The following TRPM3 variants were observed in gnomAD, a reference collection of about 807,000 sequenced individuals.
TRPM3 encodes transient receptor potential cation channel subfamily M member 3.
TRPM3 carries 77 observed loss-of-function variants against 181.2 expected under a neutral mutation model. That is an observed-to-expected ratio of 0.42 (90% confidence interval 0.35 to 0.51). TRPM3 has a LOEUF of 0.51. Among genes scored for constraint, TRPM3 ranks in the 20% least tolerant of loss-of-function variants. The probability of loss-of-function intolerance (pLI) is 0.01; values close to 1 mark genes in which losing one functional copy is unlikely to be tolerated. For missense variants in TRPM3, 1,759 were observed against 2,196.7 expected, an observed-to-expected ratio of 0.80 and a Z score of 3.98; for synonymous variants, 745 against 796.4, an observed-to-expected ratio of 0.94 and a Z score of 1.09.
At chr9:71,032,596 C>T (rs77465759) in intron 1 of TRPM3, among the ~76,000 whole-genome samples, 1 of 152,130 alleles carries the variant, frequency 6.6e-6, no homozygotes, top group African/African-American at 2.4e-5. Context: ...ATTGAGTTTG[C>T]ATTATAAAAT....
At chr9:70,815,183 G>T (rs973484919) in intron 6 of TRPM3, among the ~76,000 whole-genome samples, 1 of 152,100 alleles carries the variant, frequency 6.6e-6, no homozygotes, top group African/African-American at 2.4e-5. Context: ...CTTGAGAAAA[G>T]AACAAACATA....
At chr9:70,797,755 C>T (rs1363014966) in intron 6 of TRPM3, among the ~76,000 whole-genome samples, 1 of 152,192 alleles carries the variant, frequency 6.6e-6, no homozygotes, top group Admixed American at 6.5e-5. Context: ...ACGGTTTGCT[C>T]AGCTCTGCCT....
chr9:71,094,970 C>T (rs192062413), intron 1 of TRPM3, among the ~76,000 whole-genome samples: 39 of 152,250 alleles, frequency 2.6e-4, no homozygotes, highest in East Asian at 1.9e-4. Flanking sequence ...TTTGAAAGCA[C>T]GCATAGCTCT....
At chr9:71,076,721 A>G (rs954409670) in intron 1 of TRPM3, among the ~76,000 whole-genome samples, 2 of 152,146 alleles carry the variant, frequency 1.3e-5, no homozygotes, top group African/African-American at 4.8e-5. Flanking sequence ...GGTTCTCAAT[A>G]TCACAGCTCT....
chr9:71,359,427 T>C (rs1242593225), intron 1 of TRPM3, among the ~76,000 whole-genome samples: 1 of 152,214 alleles, frequency 6.6e-6, no homozygotes, highest in Non-Finnish European at 1.5e-5. Context: ...AAAATGTGCC[T>C]ATGTAAATGC....
intron 1 of TRPM3, among the ~76,000 whole-genome samples, chr9:70,956,548 C>T: frequency 6.6e-6 from 1 of 151,994 alleles, no homozygotes; most frequent in East Asian, 1.9e-4. Flanking sequence ...ATATGCATAT[C>T]CTATCCAAAT....
intron 1 of TRPM3, among the ~76,000 whole-genome samples, chr9:71,201,709 T>C (rs996718263): frequency 1.3e-5 from 2 of 152,232 alleles, no homozygotes; most frequent in African/African-American, 4.8e-5. Context: ...TCTCGAGCCT[T>C]GGCTTTCAGC....
chr9:71,302,342 CTATT>C (rs1438052282), intron 1 of TRPM3, among the ~76,000 whole-genome samples: 1 of 152,138 alleles, frequency 6.6e-6, no homozygotes, highest in African/African-American at 2.4e-5. Context: ...GGCCAACAGA[CTATT>C]TGAGTAAGAA....
chr9:70,635,404 G>A (rs2133471316), intron 11 of TRPM3, 143 bp from the exon 12 acceptor site: 3 of 586,326 alleles, frequency 5.1e-6, no homozygotes, highest in East Asian at 2.9e-5. Flanking sequence ...CAGTGTATCT[G>A]CCTTTTCTTT....
chr9:70,689,719 C>T (rs149040306), intron 8 of TRPM3, among the ~76,000 whole-genome samples: 2 of 152,046 alleles, frequency 1.3e-5, no homozygotes, highest in East Asian at 3.9e-4. Context: ...ACATATGAAA[C>T]TTTGGTTCTA....
chr9:70,871,101 T>C (rs1377001434), intron 1 of TRPM3, among the ~76,000 whole-genome samples: 2 of 151,114 alleles, frequency 1.3e-5, no homozygotes, highest in African/African-American at 4.9e-5. Flanking sequence ...GGAGGGTGAG[T>C]TTTCTAGAGA....
At chr9:71,046,763 T>A (rs1565066316) in intron 1 of TRPM3, among the ~76,000 whole-genome samples, 1 of 152,202 alleles carries the variant, frequency 6.6e-6, no homozygotes, top group Non-Finnish European at 1.5e-5. Flanking sequence ...TACTATGACT[T>A]GAAAGTGTTG....
At chr9:71,077,429 C>T (rs2063618393) in intron 1 of TRPM3, among the ~76,000 whole-genome samples, 1 of 152,186 alleles carries the variant, frequency 6.6e-6, no homozygotes, top group Non-Finnish European at 1.5e-5. Context: ...ACTCCTCAAT[C>T]CCATTTCAGG....
At chr9:70,585,718 T>C (rs570616784) in intron 22 of TRPM3, among the ~76,000 whole-genome samples, 1 of 152,174 alleles carries the variant, frequency 6.6e-6, no homozygotes, top group Non-Finnish European at 1.5e-5. Flanking sequence ...TAAAATCTCA[T>C]CCTGCCTGTT....
At chr9:70,914,915 T>C (rs768807372) in intron 1 of TRPM3, among the ~76,000 whole-genome samples, 8 of 152,200 alleles carry the variant, frequency 5.3e-5, no homozygotes, top group Non-Finnish European at 1.2e-4. Context: ...TGCCTCCTAA[T>C]GAAGATATAG....
intron 1 of TRPM3, among the ~76,000 whole-genome samples, chr9:71,045,057 C>G (rs1278488990): frequency 1.3e-5 from 2 of 151,686 alleles, no homozygotes; most frequent in East Asian, 3.9e-4. Flanking sequence ...GATTTATTAT[C>G]ACTTTTAATA....
chr9:70,771,072 A>G (rs922998190), intron 7 of TRPM3, among the ~76,000 whole-genome samples: 1 of 152,190 alleles, frequency 6.6e-6, no homozygotes, highest in African/African-American at 2.4e-5. Context: ...CATGCAAACT[A>G]GGGTTGCTAA....
chr9:71,342,161 T>C (rs2091003371), intron 1 of TRPM3, among the ~76,000 whole-genome samples: 1 of 149,400 alleles, frequency 6.7e-6, no homozygotes, highest in Non-Finnish European at 1.5e-5. Context: ...ATATCACTTT[T>C]AAATATCTTC....
At chr9:71,415,154 C>T (rs969662518) in intron 1 of TRPM3, among the ~76,000 whole-genome samples, 8 of 151,926 alleles carry the variant, frequency 5.3e-5, no homozygotes, top group East Asian at 1.9e-4. Flanking sequence ...TGGAGTGATG[C>T]GGCTACAAGC....
Sources: allele counts gnomAD v4.1 joint callset (sites outside exome capture counted in the v4.1 genomes callset), GRCh38; gene constraint gnomAD v4.1.1; transcripts MANE v1.5; gene names NCBI Gene and HGNC (gene_info 2026-07-23, HGNC 2026-07-21).